The following CPPED1 variants were observed in gnomAD, a reference collection of about 807,000 sequenced individuals.
CPPED1 encodes the protein serine/threonine-protein phosphatase CPPED1.
Under a neutral mutation model 28.0 loss-of-function variants are expected in CPPED1, and 28 were observed. The ratio of observed to expected loss-of-function variants is 1.00; its 90% confidence interval spans 0.74 to 1.37. The LOEUF is 1.37. Among genes scored for constraint, CPPED1 ranks in the 40% most tolerant of loss-of-function variants. The probability of loss-of-function intolerance (pLI) is 0.00; values close to 1 mark genes in which losing one functional copy is unlikely to be tolerated. For synonymous variants in CPPED1, 198 were observed against 180.2 expected, an observed-to-expected ratio of 1.10 and a Z score of -0.79; for missense variants, 504 against 416.5, an observed-to-expected ratio of 1.21 and a Z score of -1.83.
intron 1 of CPPED1, among the ~76,000 whole-genome samples, chr16:12,792,655 G>A (rs190320610): frequency 4.6e-5 from 7 of 152,232 alleles, no homozygotes; most frequent in African/African-American, 1.7e-4. Context: ...AGGACCTGGT[G>A]GGAGGTAACT....
At chr16:12,729,645 G>A (rs916623164) in intron 2 of CPPED1, among the ~76,000 whole-genome samples, 3 of 152,158 alleles carry the variant, frequency 2.0e-5, no homozygotes, top group African/African-American at 7.2e-5. Context: ...AAACACAAGG[G>A]TATTCTGTCT....
intron 2 of CPPED1, among the ~76,000 whole-genome samples, chr16:12,748,314 T>C (rs1441233571): frequency 6.6e-6 from 1 of 152,096 alleles, no homozygotes; most frequent in Non-Finnish European, 1.5e-5. Context: ...ATATGAATGA[T>C]CCATATGAAT....
At chr16:12,716,936 G>C (rs745827907) in intron 2 of CPPED1, among the ~76,000 whole-genome samples, 4 of 147,600 alleles carry the variant, frequency 2.7e-5, no homozygotes, top group Admixed American at 1.3e-4. Flanking sequence ...TGGAAGCTCA[G>C]GGTGGGGGTA....
intron 3 of CPPED1, among the ~76,000 whole-genome samples, chr16:12,692,350 G>C (rs1254915536): frequency 6.6e-6 from 1 of 152,114 alleles, no homozygotes; most frequent in African/African-American, 2.4e-5. Flanking sequence ...AGTGGGTCAG[G>C]GGTACCAATT....
In CPPED1 at chr16:12,774,652, C is replaced by T. The variant is rs571689196; in HGVS notation, c.289+6533G>A. ...GTGTCCTCCAAAACTCATGTTGAAACGTAATCCCCAGTGTGGCAGTTCTGA... is the reference window on the plus strand; with the variant it reads ...GTGTCCTCCAAAACTCATGTTGAAATGTAATCCCCAGTGTGGCAGTTCTGA... On this transcript the variant is annotated intron_variant, in intron 2 of 3. Coordinates refer to ENST00000381774, the MANE Select transcript of CPPED1 (RefSeq NM_018340.3). Among the ~76,000 whole-genome samples the T allele has an allele frequency of 1.1e-4, 17 of 152,266 alleles. 1 individual carries two copies. Among genetic ancestry groups the T allele is most frequent in the Admixed American group, 9.2e-4 (14 of 15,288 alleles).
intron 1 of CPPED1, among the ~76,000 whole-genome samples, chr16:12,787,407 T>C (rs1271969156): frequency 3.2e-5 from 1 of 31,606 alleles, no homozygotes; most frequent in Non-Finnish European, 7.5e-5. Flanking sequence ...TTTTCTTTCT[T>C]TTTTTTTTTT....
intron 3 of CPPED1, among the ~76,000 whole-genome samples, chr16:12,704,207 C>A (rs1480439754): frequency 6.6e-6 from 1 of 152,182 alleles, no homozygotes; most frequent in African/African-American, 2.4e-5. Flanking sequence ...ATCTTGCCTT[C>A]TCCCAAGGCA....
At chr16:12,802,595 C>T (rs1358738725) in intron 1 of CPPED1, among the ~76,000 whole-genome samples, 5 of 152,138 alleles carry the variant, frequency 3.3e-5, no homozygotes, top group African/African-American at 1.2e-4. Flanking sequence ...AGCAAGACTC[C>T]GCCTTAAATG....
chr16:12,678,385 T>G (rs1332422860), intron 3 of CPPED1, among the ~76,000 whole-genome samples: 1 of 152,222 alleles, frequency 6.6e-6, no homozygotes, highest in South Asian at 2.1e-4. Context: ...CCATTATAGG[T>G]ACCTTGCATT....
chr16:12,779,250 T>C (rs1320996409), intron 2 of CPPED1, among the ~76,000 whole-genome samples: 1 of 152,110 alleles, frequency 6.6e-6, no homozygotes. Flanking sequence ...AGGGGCTCTC[T>C]CTGTTGTCTG....
Sources: gnomAD v4.1 joint callset for allele counts (sites outside exome capture counted in the v4.1 genomes callset) on GRCh38, gnomAD v4.1.1 for gene constraint, MANE v1.5 for transcripts, NCBI Gene and HGNC (gene_info 2026-07-23, HGNC 2026-07-21) for gene names.